The following OR51B5 variants were observed in gnomAD, a reference collection of about 807,000 sequenced individuals.
OR51B5 encodes the protein olfactory receptor family 51 subfamily B member 5.
For missense variants in OR51B5, 456 were observed against 374.6 expected (o/e 1.22, Z -1.79); for synonymous variants, 186 against 144.8 (o/e 1.28, Z -2.04).
At chr11:5,502,576 C>A (rs1846312523) in intron 1 of OR51B5, among the ~76,000 whole-genome samples, 1 of 152,068 alleles carries the variant, frequency 6.6e-6, no homozygotes. Flanking sequence ...AATTATAAAC[C>A]AATAATCATT....
chr11:5,457,046 A>G (rs1850971198), intron 1 of OR51B5, among the ~76,000 whole-genome samples: 1 of 152,216 alleles, frequency 6.6e-6, no homozygotes, highest in Non-Finnish European at 1.5e-5. Context: ...GTAAGCCTGC[A>G]GAACCATTAT....
At chr11:5,469,607 G>A (rs1851195586) in intron 1 of OR51B5, among the ~76,000 whole-genome samples, 1 of 152,110 alleles carries the variant, frequency 6.6e-6, no homozygotes, top group Non-Finnish European at 1.5e-5. Flanking sequence ...TCTATAGCCT[G>A]GCAGCACCCT....
chr11:5,460,874 T>A (rs1171066398), intron 1 of OR51B5, among the ~76,000 whole-genome samples: 1 of 152,196 alleles, frequency 6.6e-6, no homozygotes, highest in Non-Finnish European at 1.5e-5. Flanking sequence ...TTGGCCTACA[T>A]GCTGTAACCC....
intron 1 of OR51B5, among the ~76,000 whole-genome samples, chr11:5,472,390 G>T (rs1851242114): frequency 6.6e-6 from 1 of 152,168 alleles, no homozygotes; most frequent in African/African-American, 2.4e-5. Flanking sequence ...CCTCCTCAGG[G>T]TAGCTCTGGT....
chr11:5,441,303 T>C lies in OR51B5; in HGVS notation n.84+64266A>G, dbSNP rs151279140. The C allele has an allele frequency of 2.4e-4, 388 of 1,613,878 alleles. 8 individuals carry two copies. In the South Asian group the frequency reaches 3.5e-3, roughly 14 times the overall value. ...TGTAGAAAAGGACACTCCCAGATCA[T>C]TGAGAGCGAGCATAGAGAGGAAGTA... is the stretch of plus-strand genomic sequence containing the variant. On this transcript the variant is annotated intron_variant and non_coding_transcript_variant, in intron 1 of 4. Transcript: ENST00000415970.
intron 1 of OR51B5, among the ~76,000 whole-genome samples, chr11:5,495,747 TTTAAA>T (rs1851641210): frequency 6.6e-6 from 1 of 152,200 alleles, no homozygotes; most frequent in Admixed American, 6.5e-5. Flanking sequence ...CAATAATCAC[TTTAAA>T]TTAAATAGAT....
In OR51B5 at chr11:5,440,564, C is replaced by A. The variant is rs1358766796; in HGVS notation, n.84+65005G>T. On this transcript the variant is annotated intron_variant and non_coding_transcript_variant, in intron 1 of 4. Transcript: ENST00000415970. ...CCAAAGGAGCTTTTGGGGCCTTCAG[C>A]CTTCCTCAGGCCTGGGATTTATGGA... is the stretch of plus-strand genomic sequence containing the variant. The A allele has an allele frequency of 5.0e-6, 8 of 1,607,166 alleles. No homozygotes were observed. The Admixed American group carries it at 8.4e-5, about 17-fold the overall frequency.
intron 1 of OR51B5, among the ~76,000 whole-genome samples, chr11:5,373,411 G>C (rs1031896211): frequency 6.6e-6 from 1 of 152,132 alleles, no homozygotes; most frequent in Non-Finnish European, 1.5e-5. Context: ...CACAGAAGAC[G>C]GGTGATTTCT....
chr11:5,454,328 C>A (rs779650020), intron 1 of OR51B5: 2 of 1,613,996 alleles, frequency 1.2e-6, no homozygotes, highest in African/African-American at 2.7e-5. Flanking sequence ...CAAATGTGTA[C>A]CTATTTGTGC....
At chr11:5,412,700 G>C (rs1466049303) in intron 1 of OR51B5, among the ~76,000 whole-genome samples, 1 of 152,170 alleles carries the variant, frequency 6.6e-6, no homozygotes, top group Non-Finnish European at 1.5e-5. Flanking sequence ...TAGCACAGCA[G>C]TCTGCGATCA....
intron 1 of OR51B5, among the ~76,000 whole-genome samples, chr11:5,398,758 T>C (rs1010187151): frequency 1.1e-4 from 17 of 152,270 alleles, no homozygotes; most frequent in Non-Finnish European, 1.9e-4. Context: ...CAGTTTTCCC[T>C]CTTCTTGCTC....
Position 5,367,167 on chromosome 11 carries a change from T to C in OR51B5, n.85-20257A>G, listed in dbSNP as rs1171683688. 2.6e-5 allele frequency among the ~76,000 whole-genome samples: 4 copies of C among 152,220 alleles called. No individual in the cohort carries two copies. In the East Asian group the frequency reaches 7.7e-4, roughly 29 times the overall value. ...TTAGTGACACAGAGTTTTAGTTATT[T>C]CATTGTGAACTGGAATAAAATCATT... On this transcript the variant is annotated intron_variant and non_coding_transcript_variant, in intron 1 of 4. Transcript: ENST00000415970.
intron 1 of OR51B5, among the ~76,000 whole-genome samples, chr11:5,494,972 T>C (rs1193439468): frequency 6.6e-6 from 1 of 152,142 alleles, no homozygotes; most frequent in Non-Finnish European, 1.5e-5. Context: ...CTGGAGAAAG[T>C]ATGGTATCCA....
At chr11:5,438,728 G>T (rs974418188) in intron 1 of OR51B5, among the ~76,000 whole-genome samples, 3 of 152,110 alleles carry the variant, frequency 2.0e-5, no homozygotes, top group African/African-American at 7.2e-5. Context: ...ATCTCAAGAC[G>T]AGGGCTTATT....
chr11:5,379,072 A>T (rs1849571200), intron 1 of OR51B5, among the ~76,000 whole-genome samples: 2 of 151,376 alleles, frequency 1.3e-5, no homozygotes, highest in Admixed American at 6.6e-5. Flanking sequence ...CAAATGTCCA[A>T]CAATGATAGA....
Position 5,342,769 on chromosome 11 carries a change from T to C in OR51B5, c.756A>G (p.Thr252=), listed in dbSNP as rs1350532552. The stretch of plus-strand genomic sequence containing the variant: ...GATGAATCAGAGACAATCCAATCAC[T>C]GTGACATAAAAAACCAGGACACAGC... Residue 252 remains threonine, a synonymous_variant, in exon 1 of 1, where the codon ACA becomes ACG. Transcript: ENST00000300773. 1.9e-6 allele frequency: 3 copies of C among 1,613,552 alleles called. No homozygotes were observed. In the African/African-American group the frequency reaches 4.0e-5, roughly 22 times the overall value.
At chr11:5,489,637 C>T in intron 1 of OR51B5, 1 of 1,613,120 alleles carries the variant, frequency 6.2e-7, no homozygotes, top group South Asian at 1.1e-5. Flanking sequence ...TCTAAAACTG[C>T]TTCACCTGGG....
chr11:5,342,874 CACATAGGAGATG>C, exon 1 of OR51B5: 1 of 1,612,676 alleles, frequency 6.2e-7, no homozygotes, highest in Non-Finnish European at 8.5e-7. Context: ...TGAGTATCAA[CACATAGGAGATG>C]AAGATAATCA....
intron 1 of OR51B5, among the ~76,000 whole-genome samples, chr11:5,417,689 G>A (rs2133756475): frequency 6.6e-6 from 1 of 151,604 alleles, no homozygotes; most frequent in South Asian, 2.1e-4. Context: ...ACCATCACTG[G>A]CCATCAGAGG....
Sources: gnomAD v4.1 joint callset for allele counts (sites outside exome capture counted in the v4.1 genomes callset) on GRCh38, gnomAD v4.1.1 for gene constraint, MANE v1.5 for transcripts, NCBI Gene and HGNC (gene_info 2026-07-23, HGNC 2026-07-21) for gene names.